Variants in TENM2 observed in about 807,000 individuals in gnomAD.
TENM2 encodes the protein teneurin-2.
A neutral mutation model predicts 245.2 loss-of-function variants in TENM2; 52 were observed. That is an observed-to-expected ratio of 0.21 (90% CI 0.17 to 0.27). The LOEUF is 0.27. TENM2 is among the 10% of genes least tolerant of loss of function. The pLI, the probability that TENM2 is intolerant of heterozygous loss-of-function variation, is 1.00. For synonymous variants in TENM2, 1,363 were observed against 1,438.9 expected (o/e 0.95, Z 1.19); for missense variants, 3,046 against 3,666.8 (o/e 0.83, Z 4.37).
chr5:167,702,552 G>GTGTATATA (rs58351767), intron 2 of TENM2, among the ~76,000 whole-genome samples: 11,797 of 136,458 alleles, frequency 0.086, 761 homozygotes, highest in East Asian at 0.31. Context: ...GTGTGTGTGT[G>GTGTATATA]TATATATATA....
chr5:167,415,191 A>G (rs184290882), intron 2 of TENM2, among the ~76,000 whole-genome samples: 6 of 152,268 alleles, frequency 3.9e-5, no homozygotes, highest in Admixed American at 3.9e-4. Context: ...CACCATTTCA[A>G]CTGTAGGATA....
At chr5:167,038,280 T>C in the TENM2 span, among the ~76,000 whole-genome samples, 1 of 152,202 alleles carries the variant, frequency 6.6e-6, no homozygotes, top group Non-Finnish European at 1.5e-5. Context: ...AGGTCTTTTG[T>C]AACCTATATC....
At chr5:167,051,476 C>T in the TENM2 span, among the ~76,000 whole-genome samples, 1 of 151,344 alleles carries the variant, frequency 6.6e-6, no homozygotes, top group Non-Finnish European at 1.5e-5. Context: ...ACTAAGACAT[C>T]AGATTGAATC....
intron 2 of TENM2, among the ~76,000 whole-genome samples, chr5:167,833,526 A>G (rs1390839795): frequency 1.3e-5 from 2 of 152,234 alleles, no homozygotes; most frequent in Non-Finnish European, 2.9e-5. Flanking sequence ...AGAAAGTCAC[A>G]TGGCTCCTCC....
intron 12 of TENM2, among the ~76,000 whole-genome samples, chr5:168,140,319 G>A (rs1345046014): frequency 6.6e-6 from 1 of 151,836 alleles, no homozygotes; most frequent in East Asian, 1.9e-4. Flanking sequence ...AAAGCAGCTA[G>A]GTGGACTCAT....
At chr5:167,461,225 T>C (rs2127492697) in intron 2 of TENM2, among the ~76,000 whole-genome samples, 1 of 152,288 alleles carries the variant, frequency 6.6e-6, no homozygotes, top group East Asian at 1.9e-4. Context: ...GAGCTCTTTT[T>C]TTTTTTTAAC....
intron 2 of TENM2, among the ~76,000 whole-genome samples, chr5:167,638,410 A>G (rs563363764): frequency 1.3e-5 from 2 of 152,190 alleles, no homozygotes; most frequent in Non-Finnish European, 2.9e-5. Flanking sequence ...GACTGAGATC[A>G]AAATTACTAG....
the TENM2 span, among the ~76,000 whole-genome samples, chr5:167,185,075 C>G: frequency 4.6e-5 from 7 of 152,114 alleles, no homozygotes; most frequent in Admixed American, 2.6e-4. Context: ...GTTAGGGACC[C>G]CTGCTCTACA....
intron 2 of TENM2, among the ~76,000 whole-genome samples, chr5:167,801,110 ATATATATATATATATAT>A (rs1305085750): frequency 0.034 from 2,128 of 62,572 alleles, 114 homozygotes; most frequent in East Asian, 0.13. Flanking sequence ...AAAAAAAAAA[ATATATATATATATATAT>A]ATATATATAT....
intron 2 of TENM2, among the ~76,000 whole-genome samples, chr5:167,503,458 G>T (rs905856546): frequency 2.0e-5 from 3 of 151,652 alleles, no homozygotes; most frequent in African/African-American, 7.3e-5. Flanking sequence ...GAAAGGAGAT[G>T]AGGGTGATGA....
chr5:168,232,768 A>C (rs773567028), intron 25 of TENM2, among the ~76,000 whole-genome samples: 15 of 152,222 alleles, frequency 9.9e-5, no homozygotes, highest in Non-Finnish European at 1.9e-4. Context: ...AGACGGAGGC[A>C]TCTCTTAGTG....
intron 2 of TENM2, among the ~76,000 whole-genome samples, chr5:167,482,299 A>C (rs2127530394): frequency 6.6e-6 from 1 of 152,306 alleles, no homozygotes; most frequent in Non-Finnish European, 1.5e-5. Flanking sequence ...AACTTTGAGA[A>C]GTAGTTTCCC....
intron 2 of TENM2, among the ~76,000 whole-genome samples, chr5:167,692,297 A>G (rs1259872662): frequency 6.6e-6 from 1 of 152,158 alleles, no homozygotes; most frequent in African/African-American, 2.4e-5. Flanking sequence ...AATTGCCCCC[A>G]TTCACTCTAA....
chr5:167,129,007 C>T, the TENM2 span, among the ~76,000 whole-genome samples: 1 of 152,174 alleles, frequency 6.6e-6, no homozygotes, highest in African/African-American at 2.4e-5. Context: ...GTCTGCTGTC[C>T]ACGACCCCTG....
chr5:168,025,243 T>G (rs544375983), intron 5 of TENM2, among the ~76,000 whole-genome samples: 15 of 152,346 alleles, frequency 9.8e-5, no homozygotes, highest in Middle Eastern at 6.8e-3. Flanking sequence ...TCTGAAACAA[T>G]TTTGAGGAAG....
rs563098907 is a variant in TENM2 at position 167,571,575 on chromosome 5, A to G, written c.502+196102A>G. ...ACTACAAATGATATCCACTCAGGGA[A>G]CCCACCTCCTCACTAAGGAAGCGGT... On this transcript the variant is annotated intron_variant, in intron 2 of 28. Transcript: ENST00000518659. Among the ~76,000 whole-genome samples, 3 of 152,254 alleles carry G rather than the reference A, an allele frequency of 2.0e-5. No individual in the cohort carries two copies. The East Asian group carries it at 5.8e-4, about 30-fold the overall frequency.
chr5:167,661,573 A>G (rs1197417739), intron 2 of TENM2, among the ~76,000 whole-genome samples: 1 of 152,230 alleles, frequency 6.6e-6, no homozygotes, highest in Non-Finnish European at 1.5e-5. Flanking sequence ...GTTTTCACAA[A>G]CTATACATCT....
chr5:167,527,883 A>T lies in TENM2; in HGVS notation c.502+152410A>T, dbSNP rs374909731. ...TCAATGTACTAACAAGGCCGAGTCC[A>T]TCTTTTTTCTATCAGAGTAACTGCA... On this transcript the variant is annotated intron_variant, in intron 2 of 28. Coordinates refer to ENST00000518659, the Ensembl canonical transcript of TENM2. 1.7e-4 allele frequency among the ~76,000 whole-genome samples: 26 copies of T among 152,274 alleles called. No homozygotes were observed. The East Asian group carries it at 4.8e-3, about 28-fold the overall frequency.
intron 2 of TENM2, among the ~76,000 whole-genome samples, chr5:167,514,815 A>G (rs1233401854): frequency 1.3e-5 from 2 of 152,188 alleles, no homozygotes; most frequent in African/African-American, 4.8e-5. Context: ...GTTCGAGACC[A>G]GCCTGACCAA....
Sources: gnomAD v4.1 joint callset for allele counts (sites outside exome capture counted in the v4.1 genomes callset) on GRCh38, gnomAD v4.1.1 for gene constraint, MANE v1.5 for transcripts, NCBI Gene and HGNC (gene_info 2026-07-23, HGNC 2026-07-21) for gene names.